The following MYZAP variants were observed in gnomAD, a reference collection of about 807,000 sequenced individuals.
The protein encoded by MYZAP is GRINL1A complex locus upstream.
Under a neutral mutation model 69.4 loss-of-function variants are expected in MYZAP, and 66 were observed. That is an observed-to-expected ratio of 0.95 (90% CI 0.78 to 1.17). The LOEUF (loss-of-function observed/expected upper bound fraction) is 1.17, where lower values mean the gene tolerates loss of function less well. MYZAP is among the 50% of genes most tolerant of loss of function. MYZAP has a pLI of 0.00. For synonymous variants in MYZAP, 256 were observed against 205.9 expected, an observed-to-expected ratio of 1.24 and a Z score of -2.09; for missense variants, 611 against 556.2, an observed-to-expected ratio of 1.10 and a Z score of -0.99.
chr15:57,682,475 C>T (rs902535566), intron 12 of MYZAP, among the ~76,000 whole-genome samples: 4 of 152,144 alleles, frequency 2.6e-5, no homozygotes, highest in Non-Finnish European at 5.9e-5. Context: ...CAAGTGCTTC[C>T]GTCAGAATTC....
chr15:57,599,367 T>G, intron 1 of MYZAP: 1 of 829,524 alleles, frequency 1.2e-6, no homozygotes, highest in Non-Finnish European at 1.5e-6. Flanking sequence ...TTTTTTTTTT[T>G]GCCATCGTCG....
At chr15:57,649,721 G>T (rs1476339144) in intron 10 of MYZAP, among the ~76,000 whole-genome samples, 2 of 151,836 alleles carry the variant, frequency 1.3e-5, no homozygotes, top group Non-Finnish European at 2.9e-5. Context: ...AATCTTTTTG[G>T]CTGTGTTGTG....
rs535117338 is a variant in MYZAP, at chr15:57,632,715, C to G, written c.804+156C>G. On this transcript the variant is annotated intron_variant, in intron 7 of 12. Transcript: ENST00000267853. ...AATTATTCATCTGCTCATTCACTCC[C>G]CTCCCCTCTTCCCCTCTGCCTTTAT... 2.0e-5 allele frequency among the ~76,000 whole-genome samples: 3 copies of G among 152,090 alleles called. No homozygotes were observed. In the South Asian group the frequency reaches 6.2e-4, roughly 32 times the overall value.
chr15:57,624,222 C>T (rs948376068), intron 4 of MYZAP, among the ~76,000 whole-genome samples: 2 of 152,028 alleles, frequency 1.3e-5, no homozygotes, highest in Non-Finnish European at 1.5e-5. Flanking sequence ...GATAAAAGTC[C>T]CTGTCTATGT....
chr15:57,684,713 A>G lies in MYZAP; in HGVS notation c.*215A>G. 2 of 446,356 alleles carry G rather than the reference A, an allele frequency of 4.5e-6. No homozygotes were observed. The highest frequency in any genetic ancestry group is 7.9e-6 in the Non-Finnish European group (2 of 253,106). 27.6% of individuals were successfully genotyped at this position (446,356 alleles called of 1,614,324 possible). ...ATACAAGGTCACATTTCAGACACCC[A>G]CTCGGCATACCCTGCCGTACTGCAT... On this transcript the variant is annotated 3_prime_UTR_variant, in exon 13 of 13. Transcript: ENST00000267853.
chr15:57,627,825 C>T (rs1296907403), intron 5 of MYZAP, among the ~76,000 whole-genome samples: 1 of 151,950 alleles, frequency 6.6e-6, no homozygotes, highest in Admixed American at 6.6e-5. Flanking sequence ...TGTGGATACA[C>T]GAGTAGAATC....
intron 2 of MYZAP, among the ~76,000 whole-genome samples, chr15:57,610,558 C>T (rs1237386546): frequency 6.6e-6 from 1 of 152,154 alleles, no homozygotes; most frequent in African/African-American, 2.4e-5. Flanking sequence ...CCTCATGAAC[C>T]CCTGTGGTGG....
intron 11 of MYZAP, among the ~76,000 whole-genome samples, chr15:57,665,067 C>G (rs1340529326): frequency 6.6e-6 from 1 of 152,168 alleles, no homozygotes; most frequent in Non-Finnish European, 1.5e-5. Context: ...TAGCTATGTC[C>G]CATAATGAAT....
At chr15:57,665,330 A>T (rs1230083296) in intron 11 of MYZAP, among the ~76,000 whole-genome samples, 2 of 152,240 alleles carry the variant, frequency 1.3e-5, no homozygotes, top group African/African-American at 2.4e-5. Flanking sequence ...GTTGGCCCCG[A>T]TATTTGCAGA....
chr15:57,613,664 C>T (rs1163124226), intron 2 of MYZAP, among the ~76,000 whole-genome samples: 19 of 152,058 alleles, frequency 1.2e-4, no homozygotes, highest in Non-Finnish European at 1.5e-5. Flanking sequence ...AGACACCGTG[C>T]CTGGCCATAA....
At chr15:57,651,209 A>G (rs1358921567) in intron 10 of MYZAP, among the ~76,000 whole-genome samples, 5 of 152,206 alleles carry the variant, frequency 3.3e-5, no homozygotes, top group African/African-American at 1.2e-4. Context: ...TTTTAGCATC[A>G]GCTTTGTGCC....
rs1235426360 is a variant in MYZAP, at chr15:57,684,578, T to G, written c.*80T>G. 4 of 886,452 alleles carry G rather than the reference T, an allele frequency of 4.5e-6. No individual in the cohort carries two copies. The highest frequency in any genetic ancestry group is 7.3e-6 in the Non-Finnish European group (4 of 550,372). The allele number at this position is 886,452 out of a possible 1,614,324, so 54.9% of individuals were successfully genotyped here. A position where few individuals can be genotyped will look rare whatever the true frequency, so the allele number is the denominator to read the frequency against. ...CTTCAAATCCTTTGGGAAGGGTGAC[T>G]GTTGTTTCCCCTACACACAGTGTAA... On this transcript the variant is annotated 3_prime_UTR_variant, in exon 13 of 13. Coordinates refer to ENST00000267853, the MANE Select transcript of MYZAP (RefSeq NM_001018100.5).
rs192048686 is a variant in MYZAP, at chr15:57,613,453, C to T, written c.163-4580C>T. Among the ~76,000 whole-genome samples, 349 of 152,170 alleles carry T rather than the reference C, an allele frequency of 2.3e-3. 3 individuals carry two copies. The highest frequency in any genetic ancestry group is 7.7e-3 in the African/African-American group (319 of 41,512). Reference sequence around the variant, plus strand: ...TAGTATGATCACAGCTTACTGTAGCCTCAACCTCCTGGGCTCAAGCAATCT... The same window carrying T: ...TAGTATGATCACAGCTTACTGTAGCTTCAACCTCCTGGGCTCAAGCAATCT... On this transcript the variant is annotated intron_variant, in intron 2 of 12. Transcript: ENST00000267853.
intron 6 of MYZAP, among the ~76,000 whole-genome samples, chr15:57,631,118 G>A (rs976163725): frequency 6.6e-6 from 1 of 152,176 alleles, no homozygotes; most frequent in South Asian, 2.1e-4. Flanking sequence ...CTCAGTAAGA[G>A]TTACTTGGGG....
At chr15:57,673,744 G>C (rs930801931) in intron 11 of MYZAP, among the ~76,000 whole-genome samples, 1 of 152,132 alleles carries the variant, frequency 6.6e-6, no homozygotes, top group Non-Finnish European at 1.5e-5. Flanking sequence ...CTTTCAGAGC[G>C]GGAGCTACTG....
At chr15:57,675,945 G>T (rs1042915862) in intron 12 of MYZAP, among the ~76,000 whole-genome samples, 2 of 152,174 alleles carry the variant, frequency 1.3e-5, no homozygotes, top group African/African-American at 4.8e-5. Context: ...GCACTTGTGT[G>T]TGCTTTGCTG....
intron 10 of MYZAP, among the ~76,000 whole-genome samples, chr15:57,649,416 T>C (rs1192438402): frequency 6.6e-6 from 1 of 152,212 alleles, no homozygotes; most frequent in Admixed American, 6.5e-5. Flanking sequence ...ATTGTTTTCA[T>C]CTTAATTTGC....
chr15:57,591,930 T>G lies in MYZAP; in HGVS notation c.-105T>G. The G allele has an allele frequency of 9.1e-7, 1 of 1,093,478 alleles. No homozygotes were observed. The highest frequency in any genetic ancestry group is 1.1e-6 in the Non-Finnish European group (1 of 869,840). 67.7% of individuals were successfully genotyped at this position (1,093,478 alleles called of 1,614,324 possible). On this transcript the variant is annotated 5_prime_UTR_variant, in exon 1 of 13. Transcript: ENST00000267853. ...TTCGCGGTGCAGCTGAGGCTGCAAG[T>G]AGCCGGCGCCGTCCCGCGTCGCCCC...
intron 1 of MYZAP, among the ~76,000 whole-genome samples, chr15:57,601,495 G>T (rs1455621413): frequency 6.6e-6 from 1 of 152,078 alleles, no homozygotes; most frequent in Non-Finnish European, 1.5e-5. Flanking sequence ...GCCTTTCTCT[G>T]GAGGGACTCA....
Sources: allele counts gnomAD v4.1 joint callset (sites outside exome capture counted in the v4.1 genomes callset), GRCh38; gene constraint gnomAD v4.1.1; transcripts MANE v1.5; gene names NCBI Gene and HGNC (gene_info 2026-07-23, HGNC 2026-07-21).